Variants in CSMD3 observed in about 807,000 individuals in gnomAD.
CSMD3 encodes the protein CUB and sushi domain-containing protein 3.
In CSMD3, 177 loss-of-function variants were observed where a neutral mutation model predicts 435.2. That is an observed-to-expected ratio of 0.41 (90% CI 0.36 to 0.46). CSMD3 has a LOEUF of 0.46. Ranked by LOEUF, CSMD3 falls within the 20% of genes least tolerant of loss-of-function variation. The pLI is 0.34. For synonymous variants in CSMD3, 1,656 were observed against 1,520.5 expected (o/e 1.09, Z -2.07); for missense variants, 4,265 against 4,504.6 (o/e 0.95, Z 1.52).
intron 10 of CSMD3, among the ~76,000 whole-genome samples, chr8:112,903,907 G>A (rs185500772): frequency 2.0e-5 from 3 of 151,372 alleles, no homozygotes; most frequent in South Asian, 4.2e-4. Context: ...AAATAAGACA[G>A]AGTCCCTTCC....
chr8:112,426,370 A>G (rs1041459170), intron 32 of CSMD3, among the ~76,000 whole-genome samples: 1 of 152,112 alleles, frequency 6.6e-6, no homozygotes, highest in African/African-American at 2.4e-5. Context: ...AAACATAGTC[A>G]TGTTTAATTA....
chr8:113,383,221 G>C (rs2094424697), intron 1 of CSMD3, among the ~76,000 whole-genome samples: 1 of 152,082 alleles, frequency 6.6e-6, no homozygotes, highest in Admixed American at 6.6e-5. Context: ...TAGGAAAGTT[G>C]ATGCATAAAA....
chr8:112,243,043 A>G, intron 65 of CSMD3, among the ~76,000 whole-genome samples: 1 of 152,126 alleles, frequency 6.6e-6, no homozygotes, highest in Non-Finnish European at 1.5e-5. Flanking sequence ...ACAAATATTT[A>G]TTGAATGCTT....
At position 112,408,241 on chromosome 8, in the gene CSMD3, T is replaced by G. The variant is rs905069126; in HGVS notation, c.5605+77A>C. On this transcript the variant is annotated intron_variant, in intron 34 of 70. Coordinates refer to ENST00000297405, the MANE Select transcript of CSMD3 (RefSeq NM_198123.2). ...AAACACTTTTATCTAGAGGATTTCA[T>G]CATTCAAAAACTCTGAATACATCAT... The G allele has an allele frequency of 1.0e-5, 10 of 955,472 alleles. No homozygotes were observed. The African/African-American group carries it at 1.7e-4, about 16-fold the overall frequency. The allele number at this position is 955,472 out of a possible 1,614,324, so 59.2% of individuals were successfully genotyped here. A position where few individuals can be genotyped will look rare whatever the true frequency, so the allele number is the denominator to read the frequency against.
chr8:113,080,814 A>T (rs1162488095), intron 5 of CSMD3, among the ~76,000 whole-genome samples: 1 of 152,200 alleles, frequency 6.6e-6, no homozygotes, highest in African/African-American at 2.4e-5. Context: ...GTAAGATTCA[A>T]CACAATAAAA....
intron 11 of CSMD3, among the ~76,000 whole-genome samples, chr8:112,850,893 C>T (rs1479146297): frequency 6.6e-6 from 1 of 152,050 alleles, no homozygotes; most frequent in East Asian, 1.9e-4. Flanking sequence ...GTAGGTCCAG[C>T]ATATGGTCAA....
intron 32 of CSMD3, among the ~76,000 whole-genome samples, chr8:112,460,934 T>C (rs1266591072): frequency 2.0e-5 from 3 of 152,180 alleles, no homozygotes; most frequent in Admixed American, 1.3e-4. Context: ...TAGTGTGTGA[T>C]GTGCACCATA....
chr8:113,374,974 G>A (rs1377661629), intron 1 of CSMD3, among the ~76,000 whole-genome samples: 2 of 151,872 alleles, frequency 1.3e-5, no homozygotes, highest in African/African-American at 2.4e-5. Flanking sequence ...GGAAGACAGC[G>A]TTCTACAAGA....
intron 9 of CSMD3, among the ~76,000 whole-genome samples, chr8:112,937,636 T>A (rs994195718): frequency 6.6e-6 from 1 of 151,896 alleles, no homozygotes; most frequent in Non-Finnish European, 1.5e-5. Context: ...CAGGCATGAG[T>A]TACTGCCCCC....
intron 6 of CSMD3, 36 bp from the exon 7 acceptor site, chr8:112,976,184 C>T (rs1229892862): frequency 6.2e-7 from 1 of 1,608,370 alleles, no homozygotes. Context: ...CTAACTTTTT[C>T]TTTTTAAATT....
chr8:113,382,475 G>T (rs1467496673), intron 1 of CSMD3, among the ~76,000 whole-genome samples: 2 of 151,530 alleles, frequency 1.3e-5, no homozygotes, highest in Admixed American at 6.6e-5. Context: ...TTTCATTTTT[G>T]TAATACTTTT....
intron 1 of CSMD3, among the ~76,000 whole-genome samples, chr8:113,389,222 A>C (rs2094451541): frequency 6.6e-6 from 1 of 151,804 alleles, no homozygotes; most frequent in Admixed American, 6.6e-5. Context: ...CTTGCACTTT[A>C]AATTGAATAC....
At chr8:113,102,559 T>G (rs767592883) in intron 4 of CSMD3, among the ~76,000 whole-genome samples, 1 of 152,196 alleles carries the variant, frequency 6.6e-6, no homozygotes, top group Non-Finnish European at 1.5e-5. Context: ...GAACATTTAG[T>G]ACTAATGCTG....
At chr8:112,525,944 C>A (rs1343558846) in intron 27 of CSMD3, among the ~76,000 whole-genome samples, 7 of 136,252 alleles carry the variant, frequency 5.1e-5, no homozygotes, top group African/African-American at 8.1e-5. Context: ...ATATAAAGAC[C>A]CTTTAACAAG....
chr8:112,433,160 T>G (rs1563939634), intron 32 of CSMD3, among the ~76,000 whole-genome samples: 1 of 152,136 alleles, frequency 6.6e-6, no homozygotes, highest in Non-Finnish European at 1.5e-5. Context: ...CTATCATTGT[T>G]TATTTAGAAA....
chr8:113,147,379 T>C (rs1247092971), intron 4 of CSMD3, among the ~76,000 whole-genome samples: 1 of 151,758 alleles, frequency 6.6e-6, no homozygotes, highest in East Asian at 1.9e-4. Context: ...AACTTACTAG[T>C]TGACTTTGCC....
chr8:113,143,007 TATA>T (rs2091586551), intron 4 of CSMD3, among the ~76,000 whole-genome samples: 1 of 150,534 alleles, frequency 6.6e-6, no homozygotes, highest in African/African-American at 2.4e-5. Context: ...AAATGCAAAA[TATA>T]AAACTATAAA....
At position 113,316,209 on chromosome 8, in the gene CSMD3, G is replaced by A. The variant is rs150592990; in HGVS notation, c.179-1416C>T. On this transcript the variant is annotated intron_variant, in intron 1 of 70. Coordinates refer to ENST00000297405, the MANE Select transcript of CSMD3 (RefSeq NM_198123.2). Reference sequence around the variant, plus strand: ...CCCAGATGTTATTATCTTTATCTGTGAGTCCTACAGGAAGCTGAAGTGCCA... The same window carrying A: ...CCCAGATGTTATTATCTTTATCTGTAAGTCCTACAGGAAGCTGAAGTGCCA... Among the ~76,000 whole-genome samples, 526 of 152,182 alleles carry A rather than the reference G, an allele frequency of 3.5e-3. 3 individuals carry two copies. Among genetic ancestry groups the A allele is most frequent in the Non-Finnish European group, 5.5e-3 (373 of 68,016 alleles).
At chr8:112,723,485 T>C (rs539180072) in intron 13 of CSMD3, among the ~76,000 whole-genome samples, 12 of 152,262 alleles carry the variant, frequency 7.9e-5, no homozygotes, top group African/African-American at 2.9e-4. Flanking sequence ...AAGCGTAAGA[T>C]AAATTCTCAA....
Sources: gnomAD v4.1 joint callset for allele counts (sites outside exome capture counted in the v4.1 genomes callset) on GRCh38, gnomAD v4.1.1 for gene constraint, MANE v1.5 for transcripts, NCBI Gene and HGNC (gene_info 2026-07-23, HGNC 2026-07-21) for gene names.